Variants in NTN1 observed in about 807,000 individuals in gnomAD.
NTN1 encodes the protein netrin 1.
In NTN1, 11 loss-of-function variants were observed where a neutral mutation model predicts 54.2. The observed-to-expected ratio is 0.20, with a 90% confidence interval of 0.13 to 0.34. NTN1 has a LOEUF of 0.34. Ranked by LOEUF, NTN1 falls within the 10% of genes least tolerant of loss-of-function variation. NTN1 has a pLI of 1.00. For synonymous variants in NTN1, 371 were observed against 382.0 expected (o/e 0.97, Z 0.33); for missense variants, 740 against 893.1 (o/e 0.83, Z 2.18).
the NTN1 span, among the ~76,000 whole-genome samples, chr17:9,009,026 G>A: frequency 6.6e-6 from 1 of 152,178 alleles, no homozygotes; most frequent in Non-Finnish European, 1.5e-5. Flanking sequence ...GGGTGACAGA[G>A]TAAGACTCCA....
upstream of NTN1, among the ~76,000 whole-genome samples, chr17:9,021,151 C>A (rs532685109): frequency 6.6e-6 from 1 of 152,246 alleles, no homozygotes; most frequent in African/African-American, 2.4e-5. Flanking sequence ...CCCCTTCCCC[C>A]GCCCGCGCGC....
the NTN1 span, among the ~76,000 whole-genome samples, chr17:9,005,049 G>A: frequency 0.021 from 3,242 of 152,156 alleles, 107 homozygotes; most frequent in African/African-American, 0.073. Flanking sequence ...AAGTAAGGGG[G>A]CTCTCAGTAG....
intron 2 of NTN1, among the ~76,000 whole-genome samples, chr17:9,159,052 AAAATT>A (rs1322129275): frequency 6.6e-6 from 1 of 152,240 alleles, no homozygotes; most frequent in Non-Finnish European, 1.5e-5. Flanking sequence ...ATCAGAGAGA[AAAATT>A]AAAGAGGCAC....
intron 2 of NTN1, among the ~76,000 whole-genome samples, chr17:9,151,883 A>G (rs1567722991): frequency 6.6e-6 from 1 of 152,172 alleles, no homozygotes; most frequent in South Asian, 2.1e-4. Flanking sequence ...AGCGCTCTGT[A>G]AAACACACCA....
At chr17:9,234,505 A>G (rs1905915709) in intron 6 of NTN1, among the ~76,000 whole-genome samples, 1 of 151,906 alleles carries the variant, frequency 6.6e-6, no homozygotes, top group South Asian at 2.1e-4. Flanking sequence ...TTTTCTAGGC[A>G]CCCGCCTCCT....
chr17:9,108,533 G>C (rs1189434317), intron 2 of NTN1, among the ~76,000 whole-genome samples: 4 of 152,214 alleles, frequency 2.6e-5, no homozygotes, highest in African/African-American at 9.6e-5. Context: ...CTGAAAGATA[G>C]AGTGTTCAAC....
chr17:9,045,603 A>G (rs539995936), intron 2 of NTN1, among the ~76,000 whole-genome samples: 1 of 152,360 alleles, frequency 6.6e-6, no homozygotes, highest in African/African-American at 2.4e-5. Context: ...AGAAAGGCTG[A>G]AAATTAATGA....
chr17:9,003,483 C>G, the NTN1 span, among the ~76,000 whole-genome samples: 3 of 150,732 alleles, frequency 2.0e-5, no homozygotes, highest in Admixed American at 1.3e-4. This position sits in a 1 kb window ranked among gnomAD's most constrained non-coding sequence, Gnocchi z 7.4. Flanking sequence ...GGGCCGCGAC[C>G]CCGGCTCCGC....
chr17:9,159,412 C>T lies in NTN1; in HGVS notation c.1019-3401C>T, dbSNP rs183931066. 5.9e-5 allele frequency among the ~76,000 whole-genome samples: 9 copies of T among 152,194 alleles called. No homozygotes were observed. The East Asian group carries it at 1.2e-3, about 20-fold the overall frequency. On this transcript the variant is annotated intron_variant, in intron 2 of 6. Transcript: ENST00000173229. The stretch of plus-strand genomic sequence containing the variant: ...AAATGCATATTATTATTTTCAAGCA[C>T]GTGGTGAAATAGGAGCTCTCATATC...
chr17:9,235,404 T>C (rs187317439), intron 6 of NTN1, among the ~76,000 whole-genome samples: 9 of 152,236 alleles, frequency 5.9e-5, no homozygotes, highest in Non-Finnish European at 1.0e-4. Flanking sequence ...TGTTCCAGCG[T>C]TGTTGAAGAC....
intron 2 of NTN1, among the ~76,000 whole-genome samples, chr17:9,070,983 TG>T (rs779451898): frequency 6.6e-6 from 1 of 152,112 alleles, no homozygotes; most frequent in Non-Finnish European, 1.5e-5. Flanking sequence ...CCAAGACTTT[TG>T]GGGACTGTTT....
At chr17:9,137,929 C>T (rs2092286115) in intron 2 of NTN1, among the ~76,000 whole-genome samples, 1 of 152,230 alleles carries the variant, frequency 6.6e-6, no homozygotes, top group African/African-American at 2.4e-5. Flanking sequence ...CAGGCCAGGG[C>T]CCACGTGCCT....
At chr17:9,071,078 C>T (rs1325991059) in intron 2 of NTN1, among the ~76,000 whole-genome samples, 5 of 152,204 alleles carry the variant, frequency 3.3e-5, no homozygotes, top group Non-Finnish European at 7.3e-5. Context: ...TGCCCGCAGA[C>T]CTCACTTCCT....
At chr17:9,232,368 G>T (rs1905843437) in intron 6 of NTN1, among the ~76,000 whole-genome samples, 2 of 152,204 alleles carry the variant, frequency 1.3e-5, no homozygotes, top group South Asian at 4.1e-4. Flanking sequence ...GAGCCTCACG[G>T]TGCAGAGCTG....
rs1265103599 is a variant in NTN1, at chr17:9,022,946, G to T, written c.573G>T (p.Ala191=). ...AGATGTACAACCGGCCGCACCGCGC[G>T]CCCATCACCAAGCAGAACGAGCAGG... ...CRKMYNRPHR[A]PITKQNEQEA... is the part of the protein sequence containing the mutation. Residue 191 remains alanine (A), a synonymous_variant, in exon 2 of 7, where the codon GCG becomes GCT. Coordinates refer to ENST00000173229, the MANE Select transcript of NTN1 (RefSeq NM_004822.3). 2 of 1,611,592 alleles carry T rather than the reference G, an allele frequency of 1.2e-6. No homozygotes were observed. Among genetic ancestry groups the T allele is most frequent in the African/African-American group, 2.7e-5 (2 of 74,908 alleles).
At chr17:9,193,899 C>T (rs1353700041) in intron 5 of NTN1, among the ~76,000 whole-genome samples, 7 of 100,130 alleles carry the variant, frequency 7.0e-5, no homozygotes, top group Admixed American at 1.5e-4. Flanking sequence ...CCAGCCTGGG[C>T]GACAAGAGTG....
At chr17:9,123,520 T>C (rs2092237307) in intron 2 of NTN1, among the ~76,000 whole-genome samples, 1 of 152,246 alleles carries the variant, frequency 6.6e-6, no homozygotes, top group African/African-American at 2.4e-5. Context: ...GTTTTTACTT[T>C]CAGTATCATA....
chr17:9,067,958 C>T (rs559791842), intron 2 of NTN1, among the ~76,000 whole-genome samples: 23 of 152,258 alleles, frequency 1.5e-4, no homozygotes, highest in African/African-American at 5.3e-4. Context: ...TGCTGGTGTG[C>T]GCCTGTAAAC....
chr17:9,020,401 A>T (rs7218002), upstream of NTN1, among the ~76,000 whole-genome samples: 80,127 of 152,134 alleles, frequency 0.53, 21,629 homozygotes, highest in African/African-American at 0.6. Context: ...CAGTCTTTTT[A>T]TTGGGGCGAT....
Sources: allele counts gnomAD v4.1 joint callset (sites outside exome capture counted in the v4.1 genomes callset), GRCh38; gene constraint gnomAD v4.1.1; non-coding constraint Gnocchi (gnomAD v3.1); transcripts MANE v1.5; gene names NCBI Gene and HGNC (gene_info 2026-07-23, HGNC 2026-07-21).